FRAS1: variants seen among roughly 807,000 people sequenced by gnomAD.
FRAS1 encodes extracellular matrix organizing protein FRAS1.
Under a neutral mutation model 435.2 loss-of-function variants are expected in FRAS1, and 290 were observed. That is an observed-to-expected ratio of 0.67 (90% CI 0.61 to 0.73). FRAS1 has a LOEUF of 0.73. Ranked by LOEUF, FRAS1 falls within the 30% of genes least tolerant of loss-of-function variation. The pLI, the probability that FRAS1 is intolerant of heterozygous loss-of-function variation, is 0.00. For missense variants in FRAS1, 4,860 were observed against 5,001.5 expected, an observed-to-expected ratio of 0.97 and a Z score of 0.85; for synonymous variants, 1,800 against 1,851.0, an observed-to-expected ratio of 0.97 and a Z score of 0.71.
At chr4:78,495,098 T>TTATTGGGTTTCCAATAAGCATATA (rs1720474569) in intron 59 of FRAS1, among the ~76,000 whole-genome samples, 2 of 152,184 alleles carry the variant, frequency 1.3e-5, no homozygotes, top group African/African-American at 4.8e-5. Flanking sequence ...ATATGCTTGC[T>TTATTGGGTTTCCAATAAGCATATA]AGCTTATTGG....
At position 78,491,502 on chromosome 4, in the gene FRAS1, C is replaced by T. The variant is rs191036041; in HGVS notation, c.8958+2422C>T. Among the ~76,000 whole-genome samples the T allele has an allele frequency of 4.5e-4, 68 of 152,222 alleles. No homozygotes were observed. The East Asian group carries it at 0.01, about 23-fold the overall frequency. Reference sequence around the variant, plus strand: ...TGGGATGCAAGGCTAGTTCAACATACGCAAATCAATAAACATAATCCATCA... The same window carrying T: ...TGGGATGCAAGGCTAGTTCAACATATGCAAATCAATAAACATAATCCATCA... On this transcript the variant is annotated intron_variant, in intron 59 of 73. Transcript: ENST00000512123.
At position 78,267,446 on chromosome 4, in the gene FRAS1, G is replaced by T. The variant is rs772452739; in HGVS notation, c.981+14G>T. On this transcript the variant is annotated intron_variant, in intron 9 of 73. Transcript: ENST00000512123. ...GAGTGTGCCCGGGTAAGAAGCAGGG[G>T]CATTTCCATTTGGAACGTTGCAGCT... The T allele has an allele frequency of 1.1e-5, 18 of 1,610,192 alleles. No homozygotes were observed. Among genetic ancestry groups the T allele is most frequent in the Non-Finnish European group, 1.5e-5 (18 of 1,177,902 alleles).
At chr4:78,070,284 C>A (rs1740274888) in intron 2 of FRAS1, among the ~76,000 whole-genome samples, 1 of 151,706 alleles carries the variant, frequency 6.6e-6, no homozygotes, top group Non-Finnish European at 1.5e-5. Flanking sequence ...TACCTCCCCC[C>A]ACTTTGTATT....
intron 18 of FRAS1, among the ~76,000 whole-genome samples, chr4:78,332,489 G>T (rs1729986034): frequency 6.6e-6 from 1 of 152,126 alleles, no homozygotes; most frequent in African/African-American, 2.4e-5. Flanking sequence ...TTCTAACATA[G>T]CACTTAATGC....
chr4:78,536,245 A>AC (rs1417783803), intron 71 of FRAS1, among the ~76,000 whole-genome samples: 8 of 127,368 alleles, frequency 6.3e-5, no homozygotes, highest in African/African-American at 2.5e-4. Flanking sequence ...TCTCACTCCC[A>AC]CCCCAAATGC....
intron 22 of FRAS1, among the ~76,000 whole-genome samples, chr4:78,366,172 T>C (rs1225234176): frequency 1.3e-5 from 2 of 152,144 alleles, no homozygotes; most frequent in Admixed American, 6.5e-5. Context: ...TTCGAGAGGA[T>C]GTACTATTAA....
chr4:78,099,456 C>G (rs1741994676), intron 2 of FRAS1, among the ~76,000 whole-genome samples: 1 of 152,128 alleles, frequency 6.6e-6, no homozygotes, highest in African/African-American at 2.4e-5. Flanking sequence ...TTTGGTCAAC[C>G]ATTTAAAAGA....
chr4:78,374,265 T>C lies in FRAS1; in HGVS notation c.3151+14T>C, dbSNP rs753736638. ...ACAAATGCACAGGTAACTTGGAGAC[T>C]GCTGATTATTCTGGAAAGAAGTGAG... On this transcript the variant is annotated intron_variant, in intron 25 of 73. Coordinates refer to ENST00000512123, the MANE Select transcript of FRAS1 (RefSeq NM_025074.7). 1 of 1,469,570 alleles carries C rather than the reference T, an allele frequency of 6.8e-7. No individual in the cohort carries two copies. The highest frequency in any genetic ancestry group is 1.2e-5 in the South Asian group (1 of 83,490). The allele number at this position is 1,469,570 out of a possible 1,614,324, so 91.0% of individuals were successfully genotyped here.
intron 2 of FRAS1, among the ~76,000 whole-genome samples, chr4:78,194,939 G>T (rs978998223): frequency 6.6e-6 from 1 of 152,196 alleles, no homozygotes; most frequent in Non-Finnish European, 1.5e-5. Context: ...GTGATGTACA[G>T]ATGGGGTTTT....
At chr4:78,114,302 G>T (rs1164006170) in intron 2 of FRAS1, among the ~76,000 whole-genome samples, 3 of 152,112 alleles carry the variant, frequency 2.0e-5, no homozygotes. Context: ...GGATTGACTT[G>T]GCAATGCAGG....
chr4:78,450,497 T>C, intron 45 of FRAS1, 158 bp downstream of exon 45: 2 of 615,834 alleles, frequency 3.2e-6, no homozygotes, highest in East Asian at 2.9e-5. Flanking sequence ...TTTTTTTTTC[T>C]TTTTGTTTTT....
intron 63 of FRAS1, 47 bp downstream of exon 63, chr4:78,509,053 T>A: frequency 6.3e-7 from 1 of 1,586,428 alleles, no homozygotes; most frequent in Non-Finnish European, 8.6e-7. Context: ...GGGAGAGAAC[T>A]GGTGTTGTTC....
chr4:78,409,557 G>A (rs111318517), intron 31 of FRAS1, among the ~76,000 whole-genome samples: 3,025 of 152,278 alleles, frequency 0.02, 101 homozygotes, highest in African/African-American at 0.068. Context: ...TGCTAGAAAT[G>A]ATGAACAAAT....
At chr4:78,345,113 T>C (rs445071) in intron 20 of FRAS1, among the ~76,000 whole-genome samples, 5,735 of 152,212 alleles carry the variant, frequency 0.038, 395 homozygotes, top group African/African-American at 0.13. Context: ...TAGTTTTACT[T>C]GTTGGTCCAT....
intron 2 of FRAS1, among the ~76,000 whole-genome samples, chr4:78,099,166 C>T (rs1350952761): frequency 1.3e-5 from 2 of 152,128 alleles, no homozygotes; most frequent in Non-Finnish European, 2.9e-5. Context: ...ATGGGGTGAT[C>T]GAGGAAGAGC....
intron 38 of FRAS1, 68 bp downstream of exon 38, chr4:78,432,672 A>T: frequency 6.8e-7 from 1 of 1,481,158 alleles, no homozygotes; most frequent in Admixed American, 2.3e-5. Flanking sequence ...ACTGGGCAGC[A>T]ATGCCATGGC....
At position 78,540,825 on chromosome 4, in the gene FRAS1, A is replaced by T. The variant is rs376940358; in HGVS notation, c.11740A>T (p.Met3914Leu). The T allele has an allele frequency of 3.7e-6, 6 of 1,613,866 alleles. No homozygotes were observed. In the African/African-American group the frequency reaches 8.0e-5, roughly 22 times the overall value. ...ASIGSALAAI[M>L]LLLLVFLVAC... ...CATTGGCAGTGCCCTGGCTGCAATCATGCTTCTACTTCTGGTGTTTTTGGT... is the reference window on the plus strand; with the variant it reads ...CATTGGCAGTGCCCTGGCTGCAATCTTGCTTCTACTTCTGGTGTTTTTGGT... Residue 3914 changes from methionine to leucine, a missense_variant, in exon 74 of 74, where the codon ATG becomes TTG. Transcript: ENST00000512123.
intron 2 of FRAS1, among the ~76,000 whole-genome samples, chr4:78,155,517 A>G (rs1720848087): frequency 6.6e-6 from 1 of 152,200 alleles, no homozygotes; most frequent in East Asian, 1.9e-4. Flanking sequence ...ATTTTTTAGA[A>G]CTATTATTTC....
chr4:78,314,117 T>C (rs937030134), intron 15 of FRAS1, among the ~76,000 whole-genome samples: 3 of 152,198 alleles, frequency 2.0e-5, no homozygotes, highest in African/African-American at 7.2e-5. Flanking sequence ...TCTTCTTTTC[T>C]TAAATGCTGA....
Sources: gnomAD v4.1 joint callset for allele counts (sites outside exome capture counted in the v4.1 genomes callset) on GRCh38, gnomAD v4.1.1 for gene constraint, MANE v1.5 for transcripts, NCBI Gene and HGNC (gene_info 2026-07-23, HGNC 2026-07-21) for gene names.